MICAL3: variants seen among roughly 807,000 people sequenced by gnomAD.
MICAL3 encodes the protein [F-actin]-monooxygenase MICAL3.
A neutral mutation model predicts 207.4 loss-of-function variants in MICAL3; 62 were observed. The ratio of observed to expected loss-of-function variants is 0.30; its 90% CI spans 0.24 to 0.37. MICAL3 has a LOEUF of 0.37. MICAL3 is among the 10% of genes least tolerant of loss of function. The pLI is 1.00. For synonymous variants in MICAL3, 1,077 were observed against 1,069.3 expected (o/e 1.01, Z -0.14); for missense variants, 2,368 against 2,635.6 (o/e 0.90, Z 2.22).
chr22:18,001,719 C>T (rs1923033500), intron 1 of MICAL3, among the ~76,000 whole-genome samples: 2 of 152,258 alleles, frequency 1.3e-5, no homozygotes, highest in Non-Finnish European at 2.9e-5. Flanking sequence ...TGTCGCCACG[C>T]CCTTCGTCCT....
At chr22:17,924,378 G>A (rs1317572420) in intron 1 of MICAL3, among the ~76,000 whole-genome samples, 1 of 152,118 alleles carries the variant, frequency 6.6e-6, no homozygotes, top group Non-Finnish European at 1.5e-5. Context: ...ACCGCCTTGA[G>A]AAATACCACT....
chr22:17,917,217 A>G (rs1932581441), intron 1 of MICAL3, among the ~76,000 whole-genome samples: 1 of 152,070 alleles, frequency 6.6e-6, no homozygotes, highest in Non-Finnish European at 1.5e-5. Context: ...TGTGCGACCA[A>G]TCACTTGTGT....
chr22:18,021,859 A>G (rs1924497646), intron 1 of MICAL3, among the ~76,000 whole-genome samples: 1 of 152,112 alleles, frequency 6.6e-6, no homozygotes, highest in Non-Finnish European at 1.5e-5. Flanking sequence ...TTGCCTATTT[A>G]TGAGGTGTAT....
chr22:18,020,078 G>T (rs993470035), intron 1 of MICAL3: 1 of 151,964 alleles, frequency 6.6e-6, no homozygotes, highest in African/African-American at 2.4e-5. Flanking sequence ...CTCCCAAAGT[G>T]CTGGGATTAC....
At chr22:17,856,361 G>A (rs1925887799) in intron 19 of MICAL3, among the ~76,000 whole-genome samples, 1 of 152,316 alleles carries the variant, frequency 6.6e-6, no homozygotes, top group South Asian at 2.1e-4. Context: ...AAGGATTGCT[G>A]CTGGCTCTCG....
intron 21 of MICAL3, among the ~76,000 whole-genome samples, chr22:17,829,166 T>C (rs939563406): frequency 1.5e-5 from 1 of 66,964 alleles, no homozygotes; most frequent in African/African-American, 5.4e-5. Flanking sequence ...TGAATTTGCC[T>C]TTTTTTTTTT....
Position 17,957,369 on chromosome 22 carries a change from T to C in MICAL3, c.-74-50483A>G, listed in dbSNP as rs538196007. 3.3e-5 allele frequency among the ~76,000 whole-genome samples: 5 copies of C among 152,356 alleles called. No homozygotes were observed. In the East Asian group the frequency reaches 9.6e-4, roughly 29 times the overall value. ...TCTTCTTTCATGCTAAGCCACATTT[T>C]GCAATTTCCGACTGAAACTAATCTC... On this transcript the variant is annotated intron_variant, in intron 1 of 31. Coordinates refer to ENST00000441493, the MANE Select transcript of MICAL3 (RefSeq NM_015241.3).
intron 28 of MICAL3, among the ~76,000 whole-genome samples, chr22:17,810,342 C>T (rs1407092452): frequency 6.6e-6 from 1 of 152,178 alleles, no homozygotes; most frequent in Non-Finnish European, 1.5e-5. Context: ...AGATTATAGG[C>T]ATGAGCCACC....
intron 16 of MICAL3, among the ~76,000 whole-genome samples, chr22:17,877,528 TGAGGGAGGTTATGGAGGTGAG>T (rs1928929975): frequency 6.7e-5 from 9 of 133,444 alleles, no homozygotes; most frequent in South Asian, 2.3e-4. Context: ...GTTAGGGAGG[TGAGGGAGGTTATGGAGGTGAG>T]GGAGGTTATG....
chr22:18,015,346 T>C (rs111744896), intron 1 of MICAL3, among the ~76,000 whole-genome samples: 3,018 of 152,182 alleles, frequency 0.02, 113 homozygotes, highest in African/African-American at 0.069. Flanking sequence ...AAGGTTTTAT[T>C]TGAGGGTGCT....
rs535789518 is a variant in MICAL3 at position 17,882,453 on chromosome 22, T to C, written c.2241+3425A>G. ...GAAGGGAGATGCGGAGGGCCAGCCA[T>C]GGGAGGCATCAGACACAGGGCCTGG... On this transcript the variant is annotated intron_variant, in intron 16 of 31. Coordinates refer to ENST00000441493, the MANE Select transcript of MICAL3 (RefSeq NM_015241.3). Among the ~76,000 whole-genome samples, 6 of 152,286 alleles carry C rather than the reference T, an allele frequency of 3.9e-5. No homozygotes were observed. The South Asian group carries it at 1.0e-3, about 26-fold the overall frequency.
At chr22:18,005,748 A>G (rs966761584) in intron 1 of MICAL3, 1 of 152,208 alleles carries the variant, frequency 6.6e-6, no homozygotes, top group African/African-American at 2.4e-5. Context: ...AATTAGCCCC[A>G]TGTCAATGAA....
intron 1 of MICAL3, among the ~76,000 whole-genome samples, chr22:17,950,188 G>A (rs532769415): frequency 7.0e-6 from 1 of 142,182 alleles, no homozygotes; most frequent in South Asian, 2.1e-4. Flanking sequence ...GGAGACAAGA[G>A]TCTCGCTCTG....
chr22:17,983,294 T>TTA (rs1431220005), intron 1 of MICAL3: 1 of 152,318 alleles, frequency 6.6e-6, no homozygotes, highest in Non-Finnish European at 1.5e-5. Flanking sequence ...CCCCCTAGGC[T>TTA]GGCTTTGGCC....
At chr22:17,874,755 C>G (rs1196890023) in intron 16 of MICAL3, among the ~76,000 whole-genome samples, 1 of 152,118 alleles carries the variant, frequency 6.6e-6, no homozygotes, top group African/African-American at 2.4e-5. Flanking sequence ...GGCCTCAACC[C>G]AGGCATGGGA....
At chr22:17,934,644 A>G (rs1225363687) in intron 1 of MICAL3, among the ~76,000 whole-genome samples, 1 of 152,202 alleles carries the variant, frequency 6.6e-6, no homozygotes, top group African/African-American at 2.4e-5. Context: ...AGGGTATTCA[A>G]TTAGGAAAAG....
intron 1 of MICAL3, among the ~76,000 whole-genome samples, chr22:17,978,111 C>A (rs1003669459): frequency 1.3e-5 from 2 of 152,066 alleles, no homozygotes; most frequent in African/African-American, 4.8e-5. Context: ...TAGCAATATT[C>A]CAAATAGTCA....
At chr22:17,929,642 A>G (rs1933142128) in intron 1 of MICAL3, among the ~76,000 whole-genome samples, 1 of 131,820 alleles carries the variant, frequency 7.6e-6, no homozygotes, top group African/African-American at 2.9e-5. Context: ...ATCTCGGCTC[A>G]CTGCTACCTC....
At chr22:17,969,402 G>A (rs1342642672) in intron 1 of MICAL3, among the ~76,000 whole-genome samples, 1 of 152,214 alleles carries the variant, frequency 6.6e-6, no homozygotes, top group Non-Finnish European at 1.5e-5. Flanking sequence ...AATGTAAAAT[G>A]AGCAGTTTGT....
Sources: allele counts gnomAD v4.1 joint callset (sites outside exome capture counted in the v4.1 genomes callset), GRCh38; gene constraint gnomAD v4.1.1; transcripts MANE v1.5; gene names NCBI Gene and HGNC (gene_info 2026-07-23, HGNC 2026-07-21).